The following NDST4 variants were observed in gnomAD, a reference collection of about 807,000 sequenced individuals.
NDST4 encodes N-deacetylase and N-sulfotransferase 4, also known as N-heparan sulfate sulfotransferase 4.
NDST4 carries 63 observed loss-of-function variants against 100.8 expected under a neutral mutation model. The ratio of observed to expected loss-of-function variants is 0.62; its 90% CI spans 0.51 to 0.77. NDST4 has a LOEUF of 0.77. Among genes scored for constraint, NDST4 ranks in the 30% least tolerant of loss-of-function variants. The pLI, the probability that NDST4 is intolerant of heterozygous loss-of-function variation, is 0.00. For synonymous variants in NDST4, 377 were observed against 361.8 expected, an observed-to-expected ratio of 1.04 and a Z score of -0.48; for missense variants, 943 against 1,018.4, an observed-to-expected ratio of 0.93 and a Z score of 1.01.
chr4:114,863,633 G>T (rs1723965116), intron 7 of NDST4, among the ~76,000 whole-genome samples: 1 of 152,146 alleles, frequency 6.6e-6, no homozygotes, highest in Non-Finnish European at 1.5e-5. Context: ...TAGCACTATA[G>T]ATATATTTAA....
intron 12 of NDST4, among the ~76,000 whole-genome samples, 161 bp downstream of exon 12, chr4:114,833,444 GA>G (rs1191715146): frequency 1.1e-4 from 16 of 152,280 alleles, no homozygotes; most frequent in African/African-American, 3.9e-4. Context: ...ATATTTAAAA[GA>G]GAAACACTAC....
At chr4:115,027,346 G>C (rs992790898) in intron 2 of NDST4, among the ~76,000 whole-genome samples, 8 of 152,104 alleles carry the variant, frequency 5.3e-5, no homozygotes, top group African/African-American at 1.9e-4. Context: ...CCCATGCATT[G>C]ATTTCTAGAT....
intron 6 of NDST4, among the ~76,000 whole-genome samples, chr4:114,899,429 G>A (rs982277677): frequency 2.6e-5 from 4 of 151,994 alleles, no homozygotes; most frequent in South Asian, 4.2e-4. Context: ...CACCCACCTC[G>A]GCCTCCCAAA....
At chr4:115,023,104 G>A (rs1016199910) in intron 2 of NDST4, among the ~76,000 whole-genome samples, 1 of 152,070 alleles carries the variant, frequency 6.6e-6, no homozygotes, top group South Asian at 2.1e-4. Flanking sequence ...GTGGGAAGGG[G>A]GTGAGGGCTA....
At chr4:115,112,935 A>G (rs1255659528) in intron 1 of NDST4, among the ~76,000 whole-genome samples, 1 of 151,942 alleles carries the variant, frequency 6.6e-6, no homozygotes, top group Non-Finnish European at 1.5e-5. Context: ...CATGTCTGTG[A>G]CAGCTGTTTC....
intron 2 of NDST4, among the ~76,000 whole-genome samples, chr4:115,006,367 T>C (rs1335276040): frequency 1.3e-5 from 2 of 152,050 alleles, no homozygotes; most frequent in African/African-American, 4.8e-5. Context: ...TGCAGATGAA[T>C]AGAAGCTGAA....
rs148376641 is a variant in NDST4 at position 114,896,839 on chromosome 4, C to T, written c.1537-25889G>A. 7.5e-3 allele frequency among the ~76,000 whole-genome samples: 1,138 copies of T among 152,046 alleles called. 7 individuals are homozygous for T. The highest frequency in any genetic ancestry group is 0.012 in the Non-Finnish European group (820 of 67,978). On this transcript the variant is annotated intron_variant, in intron 6 of 13. Transcript: ENST00000264363. ...TGTTTTTAAACATTTATGATTTTGT[C>T]ACCTTCTCTTTATGTTTCCCAGAAG...
At chr4:114,850,858 T>A (rs989299042) in intron 8 of NDST4, among the ~76,000 whole-genome samples, 4 of 152,270 alleles carry the variant, frequency 2.6e-5, no homozygotes, top group Admixed American at 2.6e-4. Context: ...GAAGGATGAA[T>A]ATCTGTTCAA....
intron 4 of NDST4, among the ~76,000 whole-genome samples, chr4:114,963,271 T>C (rs1311953481): frequency 1.3e-5 from 2 of 152,138 alleles, no homozygotes; most frequent in African/African-American, 4.8e-5. Context: ...GAAGTACTGA[T>C]ATATGTTACA....
chr4:115,073,136 G>A (rs1729111017), intron 2 of NDST4, among the ~76,000 whole-genome samples: 1 of 151,996 alleles, frequency 6.6e-6, no homozygotes, highest in South Asian at 2.1e-4. Context: ...ATACCTATTA[G>A]AATGGCTGTT....
At chr4:115,096,651 T>C (rs1368254283) in intron 1 of NDST4, among the ~76,000 whole-genome samples, 3 of 152,106 alleles carry the variant, frequency 2.0e-5, no homozygotes, top group South Asian at 4.1e-4. Context: ...CTGAAGATAT[T>C]GCTTCAGTAA....
At chr4:114,832,945 T>G (rs9998272) in intron 12 of NDST4, among the ~76,000 whole-genome samples, 4,685 of 152,238 alleles carry the variant, frequency 0.031, 249 homozygotes, top group African/African-American at 0.11. Context: ...CCAGATGATT[T>G]CAGGTCCCAG....
chr4:114,998,303 T>G (rs1727209904), intron 2 of NDST4, among the ~76,000 whole-genome samples: 1 of 152,138 alleles, frequency 6.6e-6, no homozygotes, highest in Non-Finnish European at 1.5e-5. Context: ...GGAGATTAGC[T>G]TTTTTCTGCA....
At chr4:115,096,729 C>T (rs1035379686) in intron 1 of NDST4, among the ~76,000 whole-genome samples, 2 of 152,026 alleles carry the variant, frequency 1.3e-5, no homozygotes, top group African/African-American at 4.8e-5. Flanking sequence ...CTAACACAGG[C>T]ATTCTGTTCT....
intron 7 of NDST4, among the ~76,000 whole-genome samples, chr4:114,861,456 T>C (rs532900898): frequency 1.3e-5 from 2 of 152,260 alleles, no homozygotes; most frequent in East Asian, 3.9e-4. Flanking sequence ...CCAGATTAGT[T>C]AGGCAAGATT....
At chr4:115,022,829 C>T (rs143870994) in intron 2 of NDST4, among the ~76,000 whole-genome samples, 3 of 152,140 alleles carry the variant, frequency 2.0e-5, no homozygotes, top group African/African-American at 7.2e-5. Context: ...CCTGCACAAG[C>T]TCTCTTTGCC....
rs190559054 is a variant in NDST4, at chr4:115,083,913, C to T, written c.-246-6631G>A. On this transcript the variant is annotated intron_variant, in intron 1 of 13. Transcript: ENST00000264363. ...AGTATCAGGTGTTTCTTCATAGAAG[C>T]GTGAGAATGGACTAATACACTAAGC... Among the ~76,000 whole-genome samples the T allele has an allele frequency of 3.9e-5, 6 of 152,130 alleles. No individual in the cohort carries two copies. The East Asian group carries it at 9.7e-4, about 25-fold the overall frequency.
At position 115,016,798 on chromosome 4, in the gene NDST4, C is replaced by A. The variant is rs145307458; in HGVS notation, c.979-39524G>T. 2.6e-5 allele frequency among the ~76,000 whole-genome samples: 4 copies of A among 152,128 alleles called. No individual in the cohort carries two copies. In the East Asian group the frequency reaches 7.7e-4, roughly 29 times the overall value. On this transcript the variant is annotated intron_variant, in intron 2 of 13. Coordinates refer to ENST00000264363, the MANE Select transcript of NDST4 (RefSeq NM_022569.3). ...AGACTGCTAATGACTCCGACCCTTC[C>A]AGAATGAAGGTGTGGGTCATCCCAC...
At chr4:114,978,759 TA>T (rs1235840907) in intron 2 of NDST4, among the ~76,000 whole-genome samples, 1 of 151,994 alleles carries the variant, frequency 6.6e-6, no homozygotes, top group African/African-American at 2.4e-5. Context: ...TCTTGATTTT[TA>T]AAAAAATTTC....
Sources: allele counts gnomAD v4.1 joint callset (sites outside exome capture counted in the v4.1 genomes callset), GRCh38; gene constraint gnomAD v4.1.1; transcripts MANE v1.5; gene names NCBI Gene and HGNC (gene_info 2026-07-23, HGNC 2026-07-21).